The following KIF16B variants were observed in gnomAD, a reference collection of about 807,000 sequenced individuals.
KIF16B encodes kinesin family member 16B, also known as kinesin-like protein KIF16B.
In KIF16B, 98 loss-of-function variants were observed where a neutral mutation model predicts 156.3. The observed-to-expected ratio is 0.63, with a 90% CI of 0.53 to 0.74. The LOEUF is 0.74. Ranked by LOEUF, KIF16B falls within the 30% of genes least tolerant of loss-of-function variation. KIF16B has a pLI of 0.00. For missense variants in KIF16B, 1,421 were observed against 1,606.5 expected (o/e 0.88, Z 1.97); for synonymous variants, 564 against 583.7 (o/e 0.97, Z 0.49).
chr20:16,364,988 C>A (rs2123230638), intron 22 of KIF16B, among the ~76,000 whole-genome samples: 1 of 152,324 alleles, frequency 6.6e-6, no homozygotes, highest in Admixed American at 6.5e-5. Context: ...ATATTTAACA[C>A]TCTTTGTTAA....
At position 16,530,469 on chromosome 20, in the gene KIF16B, T is replaced by C. The variant is rs1010941542; in HGVS notation, c.48-2029A>G. ...AGGGACGACAGAGTGAGGACCCCTG[T>C]GGACAGACCCAGCCAGCAGGAAACA... On this transcript the variant is annotated intron_variant, in intron 1 of 25. Coordinates refer to ENST00000354981, the MANE Select transcript of KIF16B (RefSeq NM_024704.5). 3.2e-4 allele frequency among the ~76,000 whole-genome samples: 49 copies of C among 152,198 alleles called. 1 individual carries two copies. Among genetic ancestry groups the C allele is most frequent in the African/African-American group, 8.9e-4 (37 of 41,532 alleles).
intron 17 of KIF16B, among the ~76,000 whole-genome samples, chr20:16,389,404 T>C (rs2065309111): frequency 6.6e-6 from 1 of 152,216 alleles, no homozygotes; most frequent in South Asian, 2.1e-4. Context: ...CCTGGCCTTT[T>C]GCCTGGAATG....
chr20:16,376,890 T>C (rs139478489), intron 19 of KIF16B, among the ~76,000 whole-genome samples: 294 of 152,336 alleles, frequency 1.9e-3, no homozygotes, highest in Non-Finnish European at 3.2e-3. Context: ...ATAACATACC[T>C]GCAATCATTT....
intron 12 of KIF16B, among the ~76,000 whole-genome samples, chr20:16,437,985 AT>A (rs374935289): frequency 0.12 from 16,448 of 131,814 alleles, 1,106 homozygotes; most frequent in Non-Finnish European, 0.18. Context: ...ATAAAAAAAA[AT>A]AATAAAAAAA....
chr20:16,274,324 T>C (rs186157914), intron 25 of KIF16B, among the ~76,000 whole-genome samples: 22 of 152,312 alleles, frequency 1.4e-4, no homozygotes, highest in East Asian at 1.9e-4. Context: ...GCTGCATGTT[T>C]GTTGCAACAT....
intron 1 of KIF16B, among the ~76,000 whole-genome samples, chr20:16,538,634 T>C (rs1387480516): frequency 6.6e-6 from 1 of 152,206 alleles, no homozygotes; most frequent in African/African-American, 2.4e-5. Context: ...TTTAAAATAC[T>C]CTACCAGGAA....
At chr20:16,360,850 A>G (rs182713764) in intron 22 of KIF16B, among the ~76,000 whole-genome samples, 275 of 152,324 alleles carry the variant, frequency 1.8e-3, no homozygotes, top group Middle Eastern at 0.017. Context: ...ATTTCCTTCA[A>G]AAGGAACAAA....
In KIF16B at chr20:16,411,149, A is replaced by G. The variant is rs919689861; in HGVS notation, c.1613-4693T>C. ...TCTGCAACCAGCCTGCTGAATATTCACAGTTTCCTTCAATTTTTGGTTCAT... is the reference window on the plus strand; with the variant it reads ...TCTGCAACCAGCCTGCTGAATATTCGCAGTTTCCTTCAATTTTTGGTTCAT... On this transcript the variant is annotated intron_variant, in intron 15 of 25. Transcript: ENST00000354981. Among the ~76,000 whole-genome samples, 7 of 152,090 alleles carry G rather than the reference A, an allele frequency of 4.6e-5. 1 individual carries two copies. Among genetic ancestry groups the G allele is most frequent in the Non-Finnish European group, 8.8e-5 (6 of 67,996 alleles).
intron 12 of KIF16B, among the ~76,000 whole-genome samples, chr20:16,493,557 A>G (rs981841632): frequency 3.3e-5 from 5 of 152,208 alleles, no homozygotes; most frequent in African/African-American, 1.2e-4. Flanking sequence ...CAAACCTCAC[A>G]TTGAATAGCC....
At chr20:16,562,454 G>A (rs369001288) in intron 1 of KIF16B, among the ~76,000 whole-genome samples, 6 of 152,322 alleles carry the variant, frequency 3.9e-5, no homozygotes, top group African/African-American at 1.4e-4. Context: ...TAGGAGGATT[G>A]TCAAGATGCT....
At chr20:16,526,865 T>C (rs1450207425) in intron 2 of KIF16B, among the ~76,000 whole-genome samples, 1 of 152,222 alleles carries the variant, frequency 6.6e-6, no homozygotes, top group Non-Finnish European at 1.5e-5. Flanking sequence ...CACCACGTTT[T>C]CCACATGATT....
At chr20:16,378,742 G>T in intron 19 of KIF16B, 63 bp downstream of exon 19, 3 of 1,428,698 alleles carry the variant, frequency 2.1e-6, no homozygotes, top group Non-Finnish European at 1.9e-6. Flanking sequence ...ACAACATGAG[G>T]AGTGAAAAAT....
At chr20:16,488,842 G>C (rs571940660) in intron 12 of KIF16B, among the ~76,000 whole-genome samples, 2 of 152,290 alleles carry the variant, frequency 1.3e-5, no homozygotes, top group African/African-American at 4.8e-5. Context: ...CTAACAAAGA[G>C]ACCAGAAAAA....
intron 15 of KIF16B, among the ~76,000 whole-genome samples, chr20:16,412,467 C>G (rs2065981811): frequency 6.6e-6 from 1 of 152,020 alleles, no homozygotes; most frequent in Admixed American, 6.6e-5. Context: ...AAGATATACC[C>G]AAGACTGGGT....
chr20:16,299,659 T>C (rs1431724367), intron 25 of KIF16B, among the ~76,000 whole-genome samples: 3 of 152,312 alleles, frequency 2.0e-5, no homozygotes, highest in African/African-American at 7.2e-5. Flanking sequence ...AATGAAGACA[T>C]TCACATTTCC....
chr20:16,572,893 C>T (rs1281385905), intron 1 of KIF16B, among the ~76,000 whole-genome samples: 3 of 152,134 alleles, frequency 2.0e-5, no homozygotes, highest in East Asian at 3.9e-4. Context: ...TGGTGCCCCC[C>T]CTCAGCACTC....
At position 16,540,107 on chromosome 20, in the gene KIF16B, A is replaced by G. The variant is rs73244218; in HGVS notation, c.48-11667T>C. Among the ~76,000 whole-genome samples, 556 of 152,370 alleles carry G rather than the reference A, an allele frequency of 3.6e-3. 2 individuals carry two copies. The highest frequency in any genetic ancestry group is 0.013 in the African/African-American group (538 of 41,584). ...ATGAGCTCCATGTATACTAATATGG[A>G]AAGAAGTCCAAGGAAGCCTGTAAGT... On this transcript the variant is annotated intron_variant, in intron 1 of 25. Transcript: ENST00000354981.
chr20:16,279,447 T>C (rs975224887), intron 25 of KIF16B, among the ~76,000 whole-genome samples: 2 of 152,192 alleles, frequency 1.3e-5, no homozygotes, highest in African/African-American at 2.4e-5. Flanking sequence ...AATGATTCCA[T>C]CTGTTTACTG....
intron 1 of KIF16B, among the ~76,000 whole-genome samples, chr20:16,535,306 G>C (rs927870584): frequency 8.5e-5 from 13 of 152,050 alleles, no homozygotes; most frequent in Admixed American, 8.5e-4. Flanking sequence ...TTCATTATTG[G>C]TATATACAAA....
Sources: allele counts gnomAD v4.1 joint callset (sites outside exome capture counted in the v4.1 genomes callset), GRCh38; gene constraint gnomAD v4.1.1; transcripts MANE v1.5; gene names NCBI Gene and HGNC (gene_info 2026-07-23, HGNC 2026-07-21).